The following TNNI3K variants were observed in gnomAD, a reference collection of about 807,000 sequenced individuals.
TNNI3K encodes the protein serine/threonine-protein kinase TNNI3K.
In TNNI3K, 140 loss-of-function variants were observed where a neutral mutation model predicts 114.5. The ratio of observed to expected loss-of-function variants is 1.22; its 90% CI spans 1.07 to 1.41. The LOEUF (loss-of-function observed/expected upper bound fraction) is 1.41. Among genes scored for constraint, TNNI3K ranks in the 40% most tolerant of loss-of-function variants. The pLI, the probability that TNNI3K is intolerant of heterozygous loss-of-function variation, is 0.00. For missense variants in TNNI3K, 1,125 were observed against 1,007.6 expected (o/e 1.12, Z -1.58); for synonymous variants, 347 against 347.5 (o/e 1.00, Z 0.02).
At chr1:74,521,619 G>A (rs1346551285) in intron 23 of TNNI3K, among the ~76,000 whole-genome samples, 1 of 152,068 alleles carries the variant, frequency 6.6e-6, no homozygotes, top group Non-Finnish European at 1.5e-5. Flanking sequence ...CAAATGATTG[G>A]TAAAGACGCA....
At chr1:74,365,778 C>A (rs944475846) in intron 11 of TNNI3K, among the ~76,000 whole-genome samples, 1 of 152,062 alleles carries the variant, frequency 6.6e-6, no homozygotes, top group African/African-American at 2.4e-5. Flanking sequence ...AGAAAGAATG[C>A]CAATGGGACT....
At chr1:74,285,323 T>A (rs1006921751) in intron 5 of TNNI3K, among the ~76,000 whole-genome samples, 3 of 152,208 alleles carry the variant, frequency 2.0e-5, no homozygotes, top group Admixed American at 1.3e-4. Context: ...TTTTCAGCCC[T>A]GGATCTTTAT....
At chr1:74,268,909 T>C (rs956119522) in intron 4 of TNNI3K, among the ~76,000 whole-genome samples, 1 of 151,908 alleles carries the variant, frequency 6.6e-6, no homozygotes, top group South Asian at 2.1e-4. Context: ...AAAATCCAAA[T>C]ACCCCATACC....
intron 17 of TNNI3K, among the ~76,000 whole-genome samples, chr1:74,400,912 A>G (rs538667070): frequency 6.6e-6 from 1 of 152,338 alleles, no homozygotes; most frequent in Admixed American, 6.5e-5. Flanking sequence ...CTGGCATTCC[A>G]TAAGATTCCT....
In TNNI3K at chr1:74,250,744, C is replaced by T. The variant is rs1654879402; in HGVS notation, c.308C>T (p.Thr103Ile). The T allele has an allele frequency of 2.5e-6, 4 of 1,612,410 alleles. No individual in the cohort carries two copies. Among genetic ancestry groups the T allele is most frequent in the South Asian group, 1.1e-5 (1 of 90,820 alleles). Residue 103 changes from threonine (T) to isoleucine (I), a missense_variant, in exon 4 of 25, where the codon ACA (threonine) becomes ATA (isoleucine). By Grantham distance (89) the Thr-to-Ile change is moderately conservative. Transcript: ENST00000326637. ...TCTCGACTGACAAGAAATGGATTTA[C>T]AGCCTTGCATTTAGCAGTTTACAAG... Reference protein sequence around the residue: ...RPSRLTRNGFTALHLAVYKDN... With the variant: ...RPSRLTRNGFIALHLAVYKDN...
At chr1:74,379,456 G>T (rs1663087747) in intron 17 of TNNI3K, among the ~76,000 whole-genome samples, 1 of 151,908 alleles carries the variant, frequency 6.6e-6, no homozygotes, top group Admixed American at 6.6e-5. Context: ...TAACCACTTA[G>T]TTCTACAAAT....
chr1:74,404,791 T>C (rs1170839618), intron 17 of TNNI3K, among the ~76,000 whole-genome samples: 1 of 152,214 alleles, frequency 6.6e-6, no homozygotes, highest in Non-Finnish European at 1.5e-5. Flanking sequence ...TTTATGTTTA[T>C]AGACCACTAT....
chr1:74,250,184 C>T (rs961559650), intron 3 of TNNI3K, among the ~76,000 whole-genome samples: 1 of 152,138 alleles, frequency 6.6e-6, no homozygotes, highest in Non-Finnish European at 1.5e-5. Context: ...TAACCATATT[C>T]CTTAACCATT....
At chr1:74,255,270 C>T (rs1305277624) in intron 4 of TNNI3K, among the ~76,000 whole-genome samples, 2 of 148,074 alleles carry the variant, frequency 1.4e-5, no homozygotes, top group Non-Finnish European at 3.0e-5. Flanking sequence ...GGGAGAATGG[C>T]GTGAACCCGG....
At chr1:74,364,923 G>GAAA in intron 11 of TNNI3K, among the ~76,000 whole-genome samples, 1 of 152,148 alleles carries the variant, frequency 6.6e-6, no homozygotes, top group East Asian at 1.9e-4. Context: ...TTGAACTTTT[G>GAAA]ACCTCCAGAA....
chr1:74,493,493 A>G (rs1000053256), intron 23 of TNNI3K, among the ~76,000 whole-genome samples: 1 of 152,216 alleles, frequency 6.6e-6, no homozygotes, highest in African/African-American at 2.4e-5. Context: ...TTCCCAATAG[A>G]TAGTCTCTTT....
chr1:74,418,282 A>G, intron 17 of TNNI3K: 1 of 394,170 alleles, frequency 2.5e-6, no homozygotes, highest in Non-Finnish European at 5.0e-6. Flanking sequence ...TTCCTAACGA[A>G]TGAAGTCACC....
intron 11 of TNNI3K, among the ~76,000 whole-genome samples, chr1:74,366,231 T>G (rs1220352237): frequency 1.3e-5 from 2 of 152,096 alleles, no homozygotes; most frequent in Non-Finnish European, 2.9e-5. Flanking sequence ...AGCTCTGTTG[T>G]ATTTCACAAA....
chr1:74,472,268 G>A (rs562510116), intron 21 of TNNI3K: 37 of 688,592 alleles, frequency 5.4e-5, no homozygotes, highest in Admixed American at 3.6e-4. Flanking sequence ...AAACAGATGC[G>A]TAGAAACCTT....
intron 5 of TNNI3K, among the ~76,000 whole-genome samples, chr1:74,306,095 G>A (rs1658618885): frequency 6.6e-6 from 1 of 152,088 alleles, no homozygotes; most frequent in South Asian, 2.1e-4. Context: ...TCTTATAAGT[G>A]AGTACATGGA....
intron 23 of TNNI3K, among the ~76,000 whole-genome samples, chr1:74,497,416 A>G (rs1293501535): frequency 6.6e-6 from 1 of 151,800 alleles, no homozygotes; most frequent in East Asian, 1.9e-4. Flanking sequence ...TCCTCTCTCC[A>G]TCCCTAACTT....
chr1:74,326,201 A>G (rs1659891711), intron 5 of TNNI3K, among the ~76,000 whole-genome samples: 1 of 152,184 alleles, frequency 6.6e-6, no homozygotes, highest in Admixed American at 6.5e-5. Context: ...GGTATGAGAC[A>G]CTGTATTTGG....
chr1:74,412,289 A>G (rs12048736), intron 17 of TNNI3K, among the ~76,000 whole-genome samples: 91,969 of 151,988 alleles, frequency 0.61, 32,416 homozygotes, highest in East Asian at 0.81. Flanking sequence ...CCAAGGAATC[A>G]TGCCTCCTGG....
At chr1:74,480,487 T>C in intron 21 of TNNI3K, 2 of 717,528 alleles carry the variant, frequency 2.8e-6, no homozygotes, top group Non-Finnish European at 5.2e-6. Context: ...CTAACCTATT[T>C]CGGGAAAGGT....
Sources: allele counts gnomAD v4.1 joint callset (sites outside exome capture counted in the v4.1 genomes callset), GRCh38; gene constraint gnomAD v4.1.1; transcripts MANE v1.5; gene names NCBI Gene and HGNC (gene_info 2026-07-23, HGNC 2026-07-21).